The following GCC1 variants were observed in gnomAD, a reference collection of about 807,000 sequenced individuals.
The protein encoded by GCC1 is GRIP and coiled-coil domain-containing protein 1.
In GCC1, 36 loss-of-function variants were observed where a neutral mutation model predicts 62.5. That is an observed-to-expected ratio of 0.58 (90% CI 0.44 to 0.76). The LOEUF (loss-of-function observed/expected upper bound fraction) is 0.76, where lower values mean the gene tolerates loss of function less well. Among genes scored for constraint, GCC1 ranks in the 30% least tolerant of loss-of-function variants. GCC1 has a pLI of 0.00. For missense variants in GCC1, 885 were observed against 948.3 expected, an observed-to-expected ratio of 0.93 and a Z score of 0.88; for synonymous variants, 391 against 386.8, an observed-to-expected ratio of 1.01 and a Z score of -0.13.
rs1429627145 is a variant in GCC1 at position 127,582,925 on chromosome 7, C to A, written c.1417G>T (p.Gly473Trp). 1.9e-6 allele frequency: 3 copies of A among 1,614,092 alleles called. No homozygotes were observed. Among genetic ancestry groups the A allele is most frequent in the Non-Finnish European group, 2.5e-6 (3 of 1,180,044 alleles). ...TAATAGAGTGCAGTAGCCTTCTCCCCATCAGCAGCCTCCGAGCTGGGCATT... is the reference window on the plus strand; with the variant it reads ...TAATAGAGTGCAGTAGCCTTCTCCCAATCAGCAGCCTCCGAGCTGGGCATT... ...EIMPSSEAAD[G>W]EKATALYYQQ... Residue 473 changes from glycine to tryptophan, a missense_variant, in exon 2 of 2, where the codon GGG becomes TGG. Transcript: ENST00000321407. This position sits in a 1 kb window ranked among gnomAD's most constrained non-coding sequence, Gnocchi z 4.8.
chr7:127,581,803 C>T lies in GCC1; in HGVS notation c.*211G>A. Reference sequence around the variant, plus strand: ...CTCACATGCACACCATCAGAAGATACTGCCCCAGGACTTTCAGTATCTCTA... The same window carrying T: ...CTCACATGCACACCATCAGAAGATATTGCCCCAGGACTTTCAGTATCTCTA... On this transcript the variant is annotated 3_prime_UTR_variant, in exon 2 of 2. Transcript: ENST00000321407. 1 of 576,166 alleles carries T rather than the reference C, an allele frequency of 1.7e-6. No homozygotes were observed. The highest frequency in any genetic ancestry group is 2.9e-5 in the East Asian group (1 of 34,408). 35.7% of individuals were successfully genotyped at this position (576,166 alleles called of 1,614,324 possible).
At position 127,584,971 on chromosome 7, in the gene GCC1, C is replaced by G. The variant is rs1483300938; in HGVS notation, c.212G>C (p.Gly71Ala). The stretch of plus-strand genomic sequence containing the variant: ...AAAGGTGAGGCCTGGAAGCTGGACA[C>G]CTGCGAGGCCCACATCTGCCTCGTG... ...VSHEADVGLA[G>A]VQLPGLTFPD... The change falls in exon 1 of 2, where the codon GGT becomes GCT. Residue 71 changes from glycine to alanine, a missense_variant. Coordinates refer to ENST00000321407, the MANE Select transcript of GCC1 (RefSeq NM_024523.6). The G allele has an allele frequency of 6.2e-7, 1 of 1,614,074 alleles. No homozygotes were observed. Among genetic ancestry groups the G allele is most frequent in the East Asian group, 2.2e-5 (1 of 44,896 alleles).
Position 127,583,196 on chromosome 7 carries a change from T to C in GCC1, c.1146A>G (p.Lys382=), listed in dbSNP as rs1437987782. Residue 382 remains lysine (K), a synonymous_variant, in exon 2 of 2, where the codon AAA becomes AAG. Transcript: ENST00000321407. ...EVSELLGTYE[K]AKQKDQLAIQ... ...TGGCCAGCTGGTCCTTCTGCTTGGC[T>C]TTCTCGTAGGTGCCTAGCAGCTCAG... 1 of 1,613,874 alleles carries C rather than the reference T, an allele frequency of 6.2e-7. No homozygotes were observed. The highest frequency in any genetic ancestry group is 8.5e-7 in the Non-Finnish European group (1 of 1,180,018).
rs375182497 is a variant in GCC1 at position 127,582,156 on chromosome 7, C to T, written c.2186G>A (p.Arg729His). 1.2e-5 allele frequency: 20 copies of T among 1,614,092 alleles called. No individual in the cohort carries two copies. Among genetic ancestry groups the T allele is most frequent in the African/African-American group, 6.7e-5 (5 of 75,002 alleles). ...NLEYLKNIIYRFLTLPDSLGR... is the reference protein window; with the variant it reads ...NLEYLKNIIYHFLTLPDSLGR... ...CAGGGAGTCAGGTAAGGTCAGGAAG[C>T]GGTAGATGATGTTTTTGAGGTACTC... Residue 729 changes from arginine to histidine, a missense_variant, in exon 2 of 2, where the codon CGC becomes CAC. Transcript: ENST00000321407. This position sits in a 1 kb window ranked among gnomAD's most constrained non-coding sequence, Gnocchi z 4.8.
At position 127,584,667 on chromosome 7, in the gene GCC1, C is replaced by T. The variant is rs766042503; in HGVS notation, c.516G>A (p.Leu172=). 1.2e-5 allele frequency: 19 copies of T among 1,614,022 alleles called. No individual in the cohort carries two copies. In the African/African-American group the frequency reaches 1.5e-4, roughly 12 times the overall value. ...GGGACTTCTCCTGAGTGACTGTAGCCAAAGAACTGGTCAAAGTAGCCAACT... is the reference window on the plus strand; with the variant it reads ...GGGACTTCTCCTGAGTGACTGTAGCTAAAGAACTGGTCAAAGTAGCCAACT... ...KTQLATLTSS[L]ATVTQEKSRM... Residue 172 remains leucine, a synonymous_variant, in exon 1 of 2, where the codon TTG becomes TTA. Transcript: ENST00000321407.
Position 127,585,132 on chromosome 7 carries a change from C to A in GCC1, c.51G>T (p.Leu17Phe). Reference protein sequence around the residue: ...NFGGGPSKKDLLETIETQKKQ... With the variant: ...NFGGGPSKKDFLETIETQKKQ... Reference sequence around the variant, plus strand: ...TCTTCTGGGTCTCTATAGTCTCCAGCAAGTCCTTCTTGCTCGGGCCGCCCC... The same window carrying A: ...TCTTCTGGGTCTCTATAGTCTCCAGAAAGTCCTTCTTGCTCGGGCCGCCCC... Residue 17 changes from leucine (L) to phenylalanine (F), a missense_variant, in exon 1 of 2, where the codon TTG becomes TTT. Transcript: ENST00000321407. 2 of 1,610,648 alleles carry A rather than the reference C, an allele frequency of 1.2e-6. No homozygotes were observed. The highest frequency in any genetic ancestry group is 1.7e-6 in the Non-Finnish European group (2 of 1,178,392).
At position 127,583,021 on chromosome 7, in the gene GCC1, T is replaced by G; in HGVS notation, c.1321A>C (p.Arg441=). 1 of 1,614,154 alleles carries G rather than the reference T, an allele frequency of 6.2e-7. No individual in the cohort carries two copies. Among genetic ancestry groups the G allele is most frequent in the Non-Finnish European group, 8.5e-7 (1 of 1,180,020 alleles). The part of the protein sequence containing the change: ...VLKDKMEKLK[R]LLQVAARKSQ... ...TTCCTGGCCGCAACCTGCAGCAGCC[T>G]CTTCAGCTTCTCCATCTTATCTTTC... The change falls in exon 2 of 2, where the codon AGG becomes CGG. Residue 441 remains arginine (R), a synonymous_variant. Transcript: ENST00000321407.
In GCC1 at chr7:127,582,880, G is replaced by C; in HGVS notation, c.1462C>G (p.Leu488Val). The C allele has an allele frequency of 6.2e-7, 1 of 1,614,140 alleles. No individual in the cohort carries two copies. The highest frequency in any genetic ancestry group is 1.3e-5 in the African/African-American group (1 of 75,026). ...TTGTACCTCTCAAACTCTTCCTTCAGCTGTTTCAGCTCCTGTTGGTAATAG... is the reference window on the plus strand; with the variant it reads ...TTGTACCTCTCAAACTCTTCCTTCACCTGTTTCAGCTCCTGTTGGTAATAG... ...ALYYQQELKQ[L>V]KEEFERYKMR... Residue 488 changes from leucine (L) to valine (V), a missense_variant, in exon 2 of 2, where the codon CTG (leucine) becomes GTG (valine). By Grantham distance (32) the Leu-to-Val change is conservative. Coordinates refer to ENST00000321407, the MANE Select transcript of GCC1 (RefSeq NM_024523.6). This position sits in a 1 kb window ranked among gnomAD's most constrained non-coding sequence, Gnocchi z 4.8.
rs1182367717 is a variant in GCC1, at chr7:127,581,810, A to C, written c.*204T>G. 1.7e-6 allele frequency: 1 copy of C among 585,042 alleles called. No homozygotes were observed. The highest frequency in any genetic ancestry group is 3.0e-6 in the Non-Finnish European group (1 of 329,986). 36.2% of individuals were successfully genotyped at this position (585,042 alleles called of 1,614,324 possible). A position where few individuals can be genotyped will look rare whatever the true frequency, so the allele number is the denominator to read the frequency against. On this transcript the variant is annotated 3_prime_UTR_variant, in exon 2 of 2. Transcript: ENST00000321407. Reference sequence around the variant, plus strand: ...GCACACCATCAGAAGATACTGCCCCAGGACTTTCAGTATCTCTAGGGCCTA... The same window carrying C: ...GCACACCATCAGAAGATACTGCCCCCGGACTTTCAGTATCTCTAGGGCCTA...
At chr7:127,583,375 G>A (rs1285552137) in intron 1 of GCC1, 66 bp from the exon 2 acceptor site, 24 of 1,278,050 alleles carry the variant, frequency 1.9e-5, no homozygotes, top group Admixed American at 8.4e-5. Context: ...TGAGAAAGCA[G>A]GAGAGGGGAG....
In GCC1 at chr7:127,581,143, T is replaced by G. The variant is rs1315616300; in HGVS notation, c.*871A>C. ...AGGGGCCAATCTCTGAGCTAATTCC[T>G]TGAATCCAGGCAGGATGAGCATTCA... is the stretch of plus-strand genomic sequence containing the variant. On this transcript the variant is annotated 3_prime_UTR_variant, in exon 2 of 2. Coordinates refer to ENST00000321407, the MANE Select transcript of GCC1 (RefSeq NM_024523.6). The G allele has an allele frequency of 6.6e-6, 1 of 152,184 alleles. No homozygotes were observed. The highest frequency in any genetic ancestry group is 2.4e-5 in the African/African-American group (1 of 41,438). The allele number at this position is 152,184 out of a possible 1,614,324, so 9.4% of individuals were successfully genotyped here. A position where few individuals can be genotyped will look rare whatever the true frequency, so the allele number is the denominator to read the frequency against.
rs1794137525 is a variant in GCC1, at chr7:127,581,831, G to A, written c.*183C>T. ...CCCCAGGACTTTCAGTATCTCTAGGGCCTAAGGATAAAGCAGCATTAATGG... is the reference window on the plus strand; with the variant it reads ...CCCCAGGACTTTCAGTATCTCTAGGACCTAAGGATAAAGCAGCATTAATGG... On this transcript the variant is annotated 3_prime_UTR_variant, in exon 2 of 2. Coordinates refer to ENST00000321407, the MANE Select transcript of GCC1 (RefSeq NM_024523.6). 1.7e-6 allele frequency: 1 copy of A among 604,154 alleles called. No individual in the cohort carries two copies. Among genetic ancestry groups the A allele is most frequent in the Non-Finnish European group, 2.9e-6 (1 of 342,110 alleles). The allele number at this position is 604,154 out of a possible 1,614,324, so 37.4% of individuals were successfully genotyped here.
In GCC1 at chr7:127,582,544, C is replaced by T. The variant is rs367564453; in HGVS notation, c.1798G>A (p.Asp600Asn). The change falls in exon 2 of 2, where the codon GAC becomes AAC. Residue 600 changes from aspartate to asparagine, a missense_variant. Transcript: ENST00000321407. The surrounding 1 kb of genome is among the most constrained non-coding windows in gnomAD (Gnocchi z 4.8). ...GAACGCAGTTGCTCCAGTTCCAAGT[C>T]CTTCTCGGTGAGCACAGCTAGGGCA... Reference protein sequence around the residue: ...DRALAVLTEKDLELEQLRSVA... With the variant: ...DRALAVLTEKNLELEQLRSVA... 6.2e-7 allele frequency: 1 copy of T among 1,611,456 alleles called. No homozygotes were observed. Among genetic ancestry groups the T allele is most frequent in the Non-Finnish European group, 8.5e-7 (1 of 1,180,046 alleles).
In GCC1 at chr7:127,584,018, T is replaced by C. The variant is rs533445030; in HGVS notation, c.1032+133A>G. On this transcript the variant is annotated intron_variant, in intron 1 of 1. Coordinates refer to ENST00000321407, the MANE Select transcript of GCC1 (RefSeq NM_024523.6). ...ATAGAACAGGACTTCCCAGGTTCACTAGTGGAACTTCTCAGGTGGCATCAA... is the reference window on the plus strand; with the variant it reads ...ATAGAACAGGACTTCCCAGGTTCACCAGTGGAACTTCTCAGGTGGCATCAA... 6.7e-5 allele frequency: 50 copies of C among 743,316 alleles called. No homozygotes were observed. In the South Asian group the frequency reaches 8.9e-4, roughly 13 times the overall value. 46.0% of individuals were successfully genotyped at this position (743,316 alleles called of 1,614,324 possible). A position where few individuals can be genotyped will look rare whatever the true frequency, so the allele number is the denominator to read the frequency against.
rs1461594454 is a variant in GCC1 at position 127,582,319 on chromosome 7, G to T, written c.2023C>A (p.His675Asn). 6.2e-7 allele frequency: 1 copy of T among 1,614,214 alleles called. No individual in the cohort carries two copies. Among genetic ancestry groups the T allele is most frequent in the Non-Finnish European group, 8.5e-7 (1 of 1,180,044 alleles). The part of the protein sequence containing the change: ...VEITSLRKQK[H>N]RLEVEVHQLQ... Reference sequence around the variant, plus strand: ...TGATGCACCTCGACCTCCAGCCTGTGCTTCTGCTTCCTCAGTGATGTGATC... The same window carrying T: ...TGATGCACCTCGACCTCCAGCCTGTTCTTCTGCTTCCTCAGTGATGTGATC... The change falls in exon 2 of 2, where the codon CAC (histidine) becomes AAC (asparagine). Residue 675 changes from histidine (H) to asparagine (N), a missense_variant. Transcript: ENST00000321407. The surrounding 1 kb of genome is among the most constrained non-coding windows in gnomAD (Gnocchi z 4.8).
Position 127,584,464 on chromosome 7 carries a change from T to A in GCC1, c.719A>T (p.Gln240Leu). 6.2e-7 allele frequency: 1 copy of A among 1,614,084 alleles called. No individual in the cohort carries two copies. Among genetic ancestry groups the A allele is most frequent in the Non-Finnish European group, 8.5e-7 (1 of 1,180,012 alleles). Residue 240 changes from glutamine (Q) to leucine (L), a missense_variant, in exon 1 of 2, where the codon CAG becomes CTG. Coordinates refer to ENST00000321407, the MANE Select transcript of GCC1 (RefSeq NM_024523.6). Reference protein sequence around the residue: ...ITQQHDRAQEQSDHALMLREL... With the variant: ...ITQQHDRAQELSDHALMLREL... ...ACGCAGCATCAAGGCATGGTCACTC[T>A]GCTCTTGGGCCCGATCATGCTGCTG...
rs202171274 is a variant in GCC1 at position 127,583,108 on chromosome 7, C to T, written c.1234G>A (p.Ala412Thr). The T allele has an allele frequency of 6.6e-5, 107 of 1,614,054 alleles. No individual in the cohort carries two copies. Among genetic ancestry groups the T allele is most frequent in the Non-Finnish European group, 8.5e-5 (100 of 1,180,048 alleles). ...DLENKTLALA[A>T]SSRSPLDSHG... ...CTGTCTAAAGGGGACCTGCTGGAGG[C>T]TGCTAGAGCCAGTGTCTTGTTCTCC... is the stretch of plus-strand genomic sequence containing the variant. The change falls in exon 2 of 2, where the codon GCC becomes ACC. Residue 412 changes from alanine to threonine, a missense_variant. Transcript: ENST00000321407.
At position 127,585,478 on chromosome 7, in the gene GCC1, A is replaced by C; in HGVS notation, c.-296T>G. On this transcript the variant is annotated 5_prime_UTR_variant, in exon 1 of 2. Coordinates refer to ENST00000321407, the MANE Select transcript of GCC1 (RefSeq NM_024523.6). ...AGCGCTGGCCCAGAAGCCGCTCCGC[A>C]CTCTCCGCTCGTCTGGGCCACAGCA... The C allele has an allele frequency of 2.6e-6, 1 of 384,660 alleles. No homozygotes were observed. Among genetic ancestry groups the C allele is most frequent in the South Asian group, 4.1e-5 (1 of 24,172 alleles). 23.8% of individuals were successfully genotyped at this position (384,660 alleles called of 1,614,324 possible). A position where few individuals can be genotyped will look rare whatever the true frequency, so the allele number is the denominator to read the frequency against.
Position 127,585,258 on chromosome 7 carries a change from TTAAAGAAACAG to T in GCC1, c.-87_-77del. On this transcript the variant is annotated 5_prime_UTR_variant, in exon 1 of 2. Transcript: ENST00000321407. ...GGGCCGTGAAGACGCAGGCGGGGGC[TTAAAGAAACAG>T]CGAGCGGGCTGTCCGGCGGCGGGCC... 1 of 1,390,206 alleles carries T rather than the reference TTAAAGAAACAG, an allele frequency of 7.2e-7. No homozygotes were observed. The allele number at this position is 1,390,206 out of a possible 1,614,324, so 86.1% of individuals were successfully genotyped here.
Sources: allele counts gnomAD v4.1 joint callset, GRCh38; gene constraint gnomAD v4.1.1; non-coding constraint Gnocchi (gnomAD v3.1); transcripts MANE v1.5; gene names NCBI Gene and HGNC (gene_info 2026-07-23, HGNC 2026-07-21).